Variants in TENM4 observed in about 807,000 individuals in gnomAD.
TENM4 encodes the protein teneurin-4.
A neutral mutation model predicts 243.3 loss-of-function variants in TENM4; 82 were observed. The observed-to-expected ratio is 0.34, with a 90% confidence interval of 0.28 to 0.40. The LOEUF is 0.40. TENM4 is among the 10% of genes least tolerant of loss of function. TENM4 has a pLI of 1.00. For missense variants in TENM4, 3,138 were observed against 3,673.3 expected (o/e 0.85, Z 3.77); for synonymous variants, 1,412 against 1,456.3 (o/e 0.97, Z 0.69).
intron 3 of TENM4, among the ~76,000 whole-genome samples, chr11:79,163,651 C>T (rs550325099): frequency 1.3e-5 from 2 of 151,820 alleles, no homozygotes; most frequent in African/African-American, 4.8e-5. Context: ...TCTGGTTTTC[C>T]ATTCCTGAGT....
Position 79,392,376 on chromosome 11 carries a change from C to A in TENM4, c.-321+48133G>T, listed in dbSNP as rs575329424. Among the ~76,000 whole-genome samples the A allele has an allele frequency of 1.6e-4, 25 of 152,248 alleles. No individual in the cohort carries two copies. The South Asian group carries it at 5.2e-3, about 32-fold the overall frequency. On this transcript the variant is annotated intron_variant, in intron 1 of 33. Coordinates refer to ENST00000278550, the MANE Select transcript of TENM4 (RefSeq NM_001098816.3). ...TCATTGGCTAATTAGGAGATACGCA[C>A]GTTGTGAATTGCTGATGGCCTTGGG...
At chr11:79,369,098 C>G (rs1857731639) in intron 1 of TENM4, among the ~76,000 whole-genome samples, 1 of 151,830 alleles carries the variant, frequency 6.6e-6, no homozygotes, top group Admixed American at 6.6e-5. Flanking sequence ...GGTCCCCAGA[C>G]AAAAAAAGAA....
At chr11:79,405,479 T>TAA (rs61042277) in intron 1 of TENM4, among the ~76,000 whole-genome samples, 1,440 of 132,706 alleles carry the variant, frequency 0.011, 24 homozygotes, top group African/African-American at 0.037. Context: ...GCTTAGAATG[T>TAA]AAAAAAAAAA....
At chr11:79,430,371 C>G (rs569477067) in intron 1 of TENM4, among the ~76,000 whole-genome samples, 100 of 152,226 alleles carry the variant, frequency 6.6e-4, no homozygotes, top group Non-Finnish European at 1.2e-3. Context: ...AAACCTGTAC[C>G]AGAGAGAGCA....
Position 78,753,927 on chromosome 11 carries a change from C to A in TENM4, c.2756+2878G>T, listed in dbSNP as rs150948744. Among the ~76,000 whole-genome samples, 76 of 152,322 alleles carry A rather than the reference C, an allele frequency of 5.0e-4. No homozygotes were observed. The East Asian group carries it at 0.013, about 27-fold the overall frequency. On this transcript the variant is annotated intron_variant, in intron 19 of 33. Coordinates refer to ENST00000278550, the MANE Select transcript of TENM4 (RefSeq NM_001098816.3). ...GACTTCTTCTGCTTCTGTGACTAAT[C>A]TGCAATGTGATTTTTAGCAGGTGAT...
intron 6 of TENM4, among the ~76,000 whole-genome samples, chr11:78,929,418 C>T (rs1461245255): frequency 6.6e-6 from 1 of 152,164 alleles, no homozygotes; most frequent in Non-Finnish European, 1.5e-5. Context: ...CAGCTCTTTG[C>T]AACTGATTTA....
intron 1 of TENM4, among the ~76,000 whole-genome samples, chr11:79,411,511 A>G (rs910747538): frequency 6.6e-6 from 1 of 152,226 alleles, no homozygotes; most frequent in Non-Finnish European, 1.5e-5. Flanking sequence ...TGTAAAGCCT[A>G]TGCTGCACTT....
At chr11:79,194,891 C>G (rs1315268626) in intron 3 of TENM4, among the ~76,000 whole-genome samples, 3 of 152,134 alleles carry the variant, frequency 2.0e-5, no homozygotes, top group Non-Finnish European at 4.4e-5. Flanking sequence ...TGTCAGAGAC[C>G]TTCACAGCAG....
At chr11:79,352,709 T>G (rs567664022) in intron 1 of TENM4, among the ~76,000 whole-genome samples, 3 of 152,228 alleles carry the variant, frequency 2.0e-5, no homozygotes, top group African/African-American at 7.2e-5. Context: ...CAGCCTCCTC[T>G]CTGGCCTCTG....
At chr11:79,263,439 A>G (rs948654512) in intron 2 of TENM4, among the ~76,000 whole-genome samples, 1 of 152,218 alleles carries the variant, frequency 6.6e-6, no homozygotes, top group Admixed American at 6.5e-5. Flanking sequence ...TACAATTCAA[A>G]TGAGTTTCTT....
At chr11:78,789,113 A>T (rs1460171001) in intron 15 of TENM4, among the ~76,000 whole-genome samples, 1 of 152,188 alleles carries the variant, frequency 6.6e-6, no homozygotes, top group Non-Finnish European at 1.5e-5. Flanking sequence ...CCCGGGTACC[A>T]AGCACAGATC....
intron 6 of TENM4, among the ~76,000 whole-genome samples, chr11:79,007,358 G>A (rs540054229): frequency 5.0e-4 from 75 of 149,356 alleles, no homozygotes; most frequent in African/African-American, 1.8e-3. Flanking sequence ...CTCTCCGAAT[G>A]AGAAAACCAG....
intron 10 of TENM4, among the ~76,000 whole-genome samples, chr11:78,856,999 C>G (rs1226690126): frequency 6.6e-6 from 1 of 152,104 alleles, no homozygotes; most frequent in East Asian, 1.9e-4. Context: ...GGTGACAGCT[C>G]TCTGGGGGCA....
intron 4 of TENM4, among the ~76,000 whole-genome samples, chr11:79,072,719 A>C (rs1325220222): frequency 9.2e-5 from 14 of 152,130 alleles, no homozygotes; most frequent in Admixed American, 9.2e-4. Flanking sequence ...GCAAAGCACT[A>C]TTCTGGTATA....
chr11:78,846,882 A>G (rs1858407601), intron 12 of TENM4, among the ~76,000 whole-genome samples: 1 of 152,182 alleles, frequency 6.6e-6, no homozygotes, highest in Non-Finnish European at 1.5e-5. Flanking sequence ...CTTCTCTCTG[A>G]GAGAACCCTA....
At chr11:79,419,565 A>G (rs1007312086) in intron 1 of TENM4, among the ~76,000 whole-genome samples, 2 of 152,216 alleles carry the variant, frequency 1.3e-5, no homozygotes, top group African/African-American at 4.8e-5. Flanking sequence ...TCTGGACTTG[A>G]CAGTGTGATA....
At chr11:79,245,938 T>TAAAAAAAAAAAAA (rs1199883938) in intron 2 of TENM4, among the ~76,000 whole-genome samples, 13 of 64,896 alleles carry the variant, frequency 2.0e-4, no homozygotes, top group African/African-American at 5.4e-4. Context: ...AGACTTTGTC[T>TAAAAAAAAAAAAA]AAAAAAAAAA....
intron 1 of TENM4, among the ~76,000 whole-genome samples, chr11:79,381,937 A>C (rs560228216): frequency 6.6e-6 from 1 of 152,236 alleles, no homozygotes; most frequent in African/African-American, 2.4e-5. Flanking sequence ...CGGGCTATAC[A>C]CAAATTTCAA....
chr11:78,674,356 C>T (rs910351679), intron 30 of TENM4, among the ~76,000 whole-genome samples: 2 of 152,184 alleles, frequency 1.3e-5, no homozygotes, highest in Admixed American at 1.3e-4. Context: ...TTTGGGAGGA[C>T]ATGTAGACGT....
Sources: gnomAD v4.1 joint callset for allele counts (sites outside exome capture counted in the v4.1 genomes callset) on GRCh38, gnomAD v4.1.1 for gene constraint, MANE v1.5 for transcripts, NCBI Gene and HGNC (gene_info 2026-07-23, HGNC 2026-07-21) for gene names.